Variants in BICRA observed in about 807,000 individuals in gnomAD.
BICRA encodes the protein BRD4-interacting chromatin-remodeling complex-associated protein.
A neutral mutation model predicts 96.9 loss-of-function variants in BICRA; 31 were observed. That is an observed-to-expected ratio of 0.32 (90% CI 0.24 to 0.43). BICRA has a LOEUF of 0.43. BICRA is among the 20% of genes least tolerant of loss of function. The pLI, the probability that BICRA is intolerant of heterozygous loss-of-function variation, is 1.00. For synonymous variants in BICRA, 1,350 were observed against 1,071.8 expected (o/e 1.26, Z -5.07); for missense variants, 2,283 against 2,190.3 (o/e 1.04, Z -0.84).
chr19:47,697,011 A>G (rs974946562), intron 11 of BICRA, among the ~76,000 whole-genome samples: 58 of 151,024 alleles, frequency 3.8e-4, no homozygotes, highest in Middle Eastern at 3.4e-3. Context: ...GTTTTGTTTT[A>G]GGGGGGGTTC....
chr19:47,658,121 C>G (rs1315565379), intron 1 of BICRA, among the ~76,000 whole-genome samples: 1 of 152,182 alleles, frequency 6.6e-6, no homozygotes, highest in Non-Finnish European at 1.5e-5. Context: ...AATGTGAAAA[C>G]TTTCCCATAT....
At chr19:47,665,020 AACCCCC>A (rs1220507032) in intron 1 of BICRA, among the ~76,000 whole-genome samples, 1 of 151,466 alleles carries the variant, frequency 6.6e-6, no homozygotes, top group Non-Finnish European at 1.5e-5. Flanking sequence ...ACTAGTTTTC[AACCCCC>A]ACCCCCCCGC....
intron 1 of BICRA, among the ~76,000 whole-genome samples, chr19:47,654,417 A>T (rs575916234): frequency 2.5e-4 from 36 of 145,454 alleles, no homozygotes; most frequent in African/African-American, 7.1e-4. Flanking sequence ...CCAAGAAATT[A>T]AAAAAAAAAA....
intron 1 of BICRA, among the ~76,000 whole-genome samples, chr19:47,650,942 C>T (rs909987025): frequency 2.6e-5 from 4 of 152,168 alleles, no homozygotes; most frequent in African/African-American, 9.7e-5. Flanking sequence ...CTGGCCCACC[C>T]GGCCTTCTCA....
rs2123618909 is a variant in BICRA, at chr19:47,702,485, GC to G, written c.*72del. 1 of 1,391,718 alleles carries G rather than the reference GC, an allele frequency of 7.2e-7. No homozygotes were observed. Among genetic ancestry groups the G allele is most frequent in the African/African-American group, 1.5e-5 (1 of 65,492 alleles). The allele number at this position is 1,391,718 out of a possible 1,614,324, so 86.2% of individuals were successfully genotyped here. A position where few individuals can be genotyped will look rare whatever the true frequency, so the allele number is the denominator to read the frequency against. Reference sequence around the variant, plus strand: ...CGGGACAGTCGGGTGTCCGCCCTCAGCCTCCTGGGGACTCGAGCCGGGGATC... The same window carrying G: ...CGGGACAGTCGGGTGTCCGCCCTCAGCTCCTGGGGACTCGAGCCGGGGATC... On this transcript the variant is annotated 3_prime_UTR_variant, in exon 15 of 15. Transcript: ENST00000594866.
Position 47,680,395 on chromosome 19 carries a change from G to A in BICRA, c.1225G>A (p.Val409Met), listed in dbSNP as rs1444702735. 2.0e-6 allele frequency: 3 copies of A among 1,533,638 alleles called. No homozygotes were observed. Among genetic ancestry groups the A allele is most frequent in the Non-Finnish European group, 2.6e-6 (3 of 1,144,960 alleles). Residue 409 changes from valine to methionine, a missense_variant, in exon 6 of 15, where the codon GTG becomes ATG. Coordinates refer to ENST00000594866, the MANE Select transcript of BICRA (RefSeq NM_001394372.1). ...FMAAGKAGQNVVLSGFPAPAL... is the reference protein window; with the variant it reads ...FMAAGKAGQNMVLSGFPAPAL... ...GGCGGCGGGGAAGGCGGGCCAGAAC[G>A]TGGTGCTGTCGGGCTTCCCCGCGCC... is the stretch of plus-strand genomic sequence containing the variant.
In BICRA at chr19:47,694,887, G is replaced by A; in HGVS notation, c.2896-13G>A. ...TATGTTCCCCACCCCTCATCCACCT[G>A]TCCCCTCCTCAGGTGCCGTCCGGAA... On this transcript the variant is annotated splice_polypyrimidine_tract_variant and intron_variant, in intron 8 of 14. Transcript: ENST00000594866. 2 of 1,501,252 alleles carry A rather than the reference G, an allele frequency of 1.3e-6. No homozygotes were observed. Among genetic ancestry groups the A allele is most frequent in the South Asian group, 1.3e-5 (1 of 74,990 alleles). 93.0% of individuals were successfully genotyped at this position (1,501,252 alleles called of 1,614,324 possible).
intron 1 of BICRA, among the ~76,000 whole-genome samples, chr19:47,642,912 G>A (rs1972405049): frequency 6.6e-6 from 1 of 152,188 alleles, no homozygotes; most frequent in African/African-American, 2.4e-5. Context: ...GATGACTAAA[G>A]ATGTTGAACA....
intron 1 of BICRA, among the ~76,000 whole-genome samples, chr19:47,620,871 G>C (rs1436663783): frequency 6.6e-6 from 1 of 151,900 alleles, no homozygotes; most frequent in East Asian, 1.9e-4. Context: ...TAAATCCTAG[G>C]CCTCTTCCGG....
At chr19:47,639,474 C>T (rs1972351292) in intron 1 of BICRA, among the ~76,000 whole-genome samples, 1 of 151,198 alleles carries the variant, frequency 6.6e-6, no homozygotes, top group African/African-American at 2.4e-5. Context: ...CTACAGGCGC[C>T]CGCTACTACA....
chr19:47,620,834 A>G (rs1972055421), intron 1 of BICRA, among the ~76,000 whole-genome samples: 1 of 152,018 alleles, frequency 6.6e-6, no homozygotes, highest in African/African-American at 2.4e-5. Context: ...GTCTCTGAGT[A>G]GTTCTTTTGC....
At chr19:47,611,995 C>T (rs369217584) in intron 1 of BICRA, among the ~76,000 whole-genome samples, 3 of 151,864 alleles carry the variant, frequency 2.0e-5, no homozygotes, top group Non-Finnish European at 4.4e-5. Context: ...CTCAGCGTCC[C>T]GAGTAGCTGG....
chr19:47,682,966 C>T (rs1423599078), intron 7 of BICRA, among the ~76,000 whole-genome samples: 1 of 152,164 alleles, frequency 6.6e-6, no homozygotes, highest in Non-Finnish European at 1.5e-5. Context: ...GCCACTGTGC[C>T]TGGCCCCATT....
At position 47,680,674 on chromosome 19, in the gene BICRA, G is replaced by T. The variant is rs755094882; in HGVS notation, c.1504G>T (p.Ala502Ser). 4.4e-6 allele frequency: 7 copies of T among 1,604,632 alleles called. No homozygotes were observed. Among genetic ancestry groups the T allele is most frequent in the Middle Eastern group, 1.7e-4 (1 of 6,052 alleles). The stretch of plus-strand genomic sequence containing the variant: ...GGGCGGGCAGATCCTGGCGGCCGCT[G>T]CCCCCCACACAGGTGGACAGCTCAT... ...NVGGQILAAA[A>S]PHTGGQLIAN... The change falls in exon 6 of 15, where the codon GCC becomes TCC. Residue 502 changes from alanine (A) to serine (S), a missense_variant. Ala to Ser is a moderately conservative substitution (Grantham distance 99). Coordinates refer to ENST00000594866, the MANE Select transcript of BICRA (RefSeq NM_001394372.1).
rs777220510 is a variant in BICRA, at chr19:47,701,780, C to A, written c.4048C>A (p.Pro1350Thr). Residue 1350 changes from proline to threonine, a missense_variant, in exon 15 of 15, where the codon CCA becomes ACA. Coordinates refer to ENST00000594866, the MANE Select transcript of BICRA (RefSeq NM_001394372.1). This position sits in a 1 kb window ranked among gnomAD's most constrained non-coding sequence, Gnocchi z 5.4. The part of the protein sequence containing the change: ...LKVAEPPPRP[P>T]PPPPPTGQMN... ...GGTGGCCGAGCCCCCGCCACGGCCG[C>A]CACCACCACCGCCGCCCACGGGCCA... 6.5e-7 allele frequency: 1 copy of A among 1,539,882 alleles called. No individual in the cohort carries two copies. Among genetic ancestry groups the A allele is most frequent in the African/African-American group, 1.4e-5 (1 of 72,714 alleles).
At chr19:47,609,624 C>T (rs1219520835) in intron 1 of BICRA, among the ~76,000 whole-genome samples, 1 of 151,774 alleles carries the variant, frequency 6.6e-6, no homozygotes, top group African/African-American at 2.4e-5. Flanking sequence ...CTCCCCGTCC[C>T]GGCCCCCTCC....
Position 47,696,451 on chromosome 19 carries a change from T to C in BICRA, c.3187T>C (p.Tyr1063His), listed in dbSNP as rs1379251759. The change falls in exon 11 of 15, where the codon TAT becomes CAT. Residue 1063 changes from tyrosine (Y) to histidine (H), a missense_variant and splice_region_variant. Coordinates refer to ENST00000594866, the MANE Select transcript of BICRA (RefSeq NM_001394372.1). ...CTCTCACTCGCCTTTCTTCTCCCAG[T>C]ATGAGAGCAAACTGAGTGGCCTGAA... ...SGPGKPSGLQ[Y>H]ESKLSGLKKP... 3 of 1,596,566 alleles carry C rather than the reference T, an allele frequency of 1.9e-6. No individual in the cohort carries two copies. Among genetic ancestry groups the C allele is most frequent in the South Asian group, 2.3e-5 (2 of 87,864 alleles).
At chr19:47,684,193 T>A (rs1379194332) in intron 7 of BICRA, among the ~76,000 whole-genome samples, 1 of 152,128 alleles carries the variant, frequency 6.6e-6, no homozygotes, top group Non-Finnish European at 1.5e-5. Context: ...ATTACTATTA[T>A]CTTGAGGGGG....
chr19:47,656,569 C>G (rs1169862575), intron 1 of BICRA, among the ~76,000 whole-genome samples: 1 of 152,188 alleles, frequency 6.6e-6, no homozygotes, highest in Non-Finnish European at 1.5e-5. Flanking sequence ...ATATAGAACA[C>G]AGCCACCTGG....
Sources: gnomAD v4.1 joint callset for allele counts (sites outside exome capture counted in the v4.1 genomes callset) on GRCh38, gnomAD v4.1.1 for gene constraint, Gnocchi (gnomAD v3.1) non-coding constraint, MANE v1.5 for transcripts, NCBI Gene and HGNC (gene_info 2026-07-23, HGNC 2026-07-21) for gene names.